TTC21B: variants seen among roughly 807,000 people sequenced by gnomAD.
TTC21B encodes tetratricopeptide repeat domain 21B.
Under a neutral mutation model 175.1 loss-of-function variants are expected in TTC21B, and 127 were observed. That is an observed-to-expected ratio of 0.73 (90% CI 0.63 to 0.84). TTC21B has a LOEUF of 0.84. Among genes scored for constraint, TTC21B ranks in the 40% least tolerant of loss-of-function variants. The pLI is 0.00. For synonymous variants in TTC21B, 524 were observed against 524.5 expected (o/e 1.00, Z 0.01); for missense variants, 1,561 against 1,558.3 (o/e 1.00, Z -0.03).
At chr2:165,909,432 A>C (rs147118922) in intron 18 of TTC21B, among the ~76,000 whole-genome samples, 1 of 152,232 alleles carries the variant, frequency 6.6e-6, no homozygotes, top group African/African-American at 2.4e-5. Context: ...ACAATAAACA[A>C]ATCTGATGAA....
chr2:165,952,610 TGTTCATTTGGGTGGCAGTGCAAATAA>T (rs1305099913), intron 1 of TTC21B, among the ~76,000 whole-genome samples: 12 of 152,210 alleles, frequency 7.9e-5, no homozygotes, highest in African/African-American at 2.9e-4. Flanking sequence ...TTTATTAAAA[TGTTCATTTGGGTGGCAGTGCAAATAA>T]TACATTTAAG....
At chr2:165,910,813 A>T (rs1013595448) in intron 18 of TTC21B, among the ~76,000 whole-genome samples, 5 of 151,888 alleles carry the variant, frequency 3.3e-5, no homozygotes, top group Non-Finnish European at 7.4e-5. Context: ...ATGTGGAAAA[A>T]ATTGCAGAAA....
chr2:165,898,051 T>C (rs1212316569), intron 22 of TTC21B, among the ~76,000 whole-genome samples: 1 of 152,082 alleles, frequency 6.6e-6, no homozygotes, highest in Admixed American at 6.5e-5. Flanking sequence ...ACAGAAAATT[T>C]GTTGTCGAGA....
intron 12 of TTC21B, among the ~76,000 whole-genome samples, chr2:165,921,590 G>A (rs1484057641): frequency 6.6e-6 from 1 of 152,146 alleles, no homozygotes; most frequent in African/African-American, 2.4e-5. Flanking sequence ...AAAAGCACAG[G>A]AGGCTCTAGG....
intron 12 of TTC21B, 122 bp downstream of exon 12, chr2:165,924,427 G>T: frequency 1.2e-6 from 1 of 863,564 alleles, no homozygotes; most frequent in Non-Finnish European, 1.8e-6. Flanking sequence ...ACTTATCTAT[G>T]CATATATAAA....
At chr2:165,888,543 G>C in intron 24 of TTC21B, 69 bp from the exon 25 acceptor site, 1 of 1,280,846 alleles carries the variant, frequency 7.8e-7, no homozygotes, top group African/African-American at 1.5e-5. Flanking sequence ...ATTAGAATCA[G>C]CTTTTGTACA....
intron 16 of TTC21B, among the ~76,000 whole-genome samples, chr2:165,913,323 G>C (rs909103153): frequency 2.0e-5 from 3 of 152,042 alleles, no homozygotes; most frequent in African/African-American, 7.2e-5. Context: ...ACCGTGCCTG[G>C]CCTCATCTCT....
At chr2:165,946,169 CAAAAAAAAAAAAAA>C (rs3032577) in intron 3 of TTC21B, among the ~76,000 whole-genome samples, 1 of 116,608 alleles carries the variant, frequency 8.6e-6, no homozygotes, top group African/African-American at 3.6e-5. Context: ...ACTAAAGATA[CAAAAAAAAAAAAAA>C]AAAAAATTAG....
In TTC21B at chr2:165,899,807, A is replaced by T. The variant is rs777066730; in HGVS notation, c.2831T>A (p.Leu944Gln). ...PDSCLRQCAL[L>Q]LQSDQDNEAA... is the part of the protein sequence containing the mutation. Reference sequence around the variant, plus strand: ...TTCGTTATCCTGGTCACTCTGAAGCAGTAGAGCACACTGCCGCAGGCAGGA... The same window carrying T: ...TTCGTTATCCTGGTCACTCTGAAGCTGTAGAGCACACTGCCGCAGGCAGGA... Residue 944 changes from leucine to glutamine, a missense_variant, in exon 21 of 29, where the codon CTG becomes CAG. Physicochemically the swap from Leu to Gln is moderately radical, Grantham distance 113 (BLOSUM62 -2). Coordinates refer to ENST00000243344, the MANE Select transcript of TTC21B (RefSeq NM_024753.5). 6.2e-7 allele frequency: 1 copy of T among 1,614,002 alleles called. No homozygotes were observed. Among genetic ancestry groups the T allele is most frequent in the Non-Finnish European group, 8.5e-7 (1 of 1,179,866 alleles).
intron 22 of TTC21B, among the ~76,000 whole-genome samples, chr2:165,894,650 C>T (rs1471846958): frequency 2.0e-5 from 3 of 152,156 alleles, no homozygotes; most frequent in Admixed American, 6.5e-5. Context: ...TCTTGGCTCA[C>T]GGCAACCTCC....
chr2:165,937,389 C>T (rs1687189324), intron 6 of TTC21B, among the ~76,000 whole-genome samples: 2 of 152,012 alleles, frequency 1.3e-5, no homozygotes, highest in African/African-American at 4.8e-5. Flanking sequence ...CACATTTGTC[C>T]AAACCACTAG....
chr2:165,878,234 T>C (rs1684731711), intron 27 of TTC21B, among the ~76,000 whole-genome samples: 1 of 152,174 alleles, frequency 6.6e-6, no homozygotes, highest in Non-Finnish European at 1.5e-5. Context: ...ACTTGATACA[T>C]GACCTGGTAC....
At chr2:165,886,028 A>T (rs950043384) in intron 25 of TTC21B, among the ~76,000 whole-genome samples, 4 of 152,204 alleles carry the variant, frequency 2.6e-5, no homozygotes, top group Admixed American at 1.3e-4. Context: ...CATTTCTTCC[A>T]TGATTTCTTG....
intron 12 of TTC21B, among the ~76,000 whole-genome samples, chr2:165,921,161 A>G (rs961312653): frequency 5.3e-5 from 8 of 152,182 alleles, no homozygotes; most frequent in African/African-American, 1.9e-4. Context: ...GCTGTGCCAG[A>G]AAGACCAACC....
chr2:165,922,015 C>G (rs1260266705), intron 12 of TTC21B, among the ~76,000 whole-genome samples: 1 of 151,828 alleles, frequency 6.6e-6, no homozygotes, highest in African/African-American at 2.4e-5. Context: ...TCCATTGTAT[C>G]ATTCTTACGT....
intron 27 of TTC21B, among the ~76,000 whole-genome samples, chr2:165,877,039 A>G (rs1684685803): frequency 6.6e-6 from 1 of 152,262 alleles, no homozygotes; most frequent in Non-Finnish European, 1.5e-5. Flanking sequence ...TTAGAAGAAT[A>G]TTTAACACAT....
intron 11 of TTC21B, among the ~76,000 whole-genome samples, chr2:165,926,937 T>G (rs1375814284): frequency 7.0e-6 from 1 of 143,488 alleles, no homozygotes; most frequent in Non-Finnish European, 1.5e-5. Flanking sequence ...TCGTGTGAGT[T>G]AATATTCTTT....
chr2:165,919,179 G>C (rs1686294615), intron 13 of TTC21B, 97 bp downstream of exon 13: 1 of 1,443,422 alleles, frequency 6.9e-7, no homozygotes, highest in Admixed American at 1.7e-5. Context: ...AAATGCAACT[G>C]TTAGCAAAAT....
chr2:165,897,518 C>T (rs189265966), intron 22 of TTC21B, among the ~76,000 whole-genome samples: 2 of 152,050 alleles, frequency 1.3e-5, no homozygotes, highest in East Asian at 1.9e-4. Flanking sequence ...AACTTAGAGG[C>T]GAGGGAAAGT....
Sources: allele counts gnomAD v4.1 joint callset (sites outside exome capture counted in the v4.1 genomes callset), GRCh38; gene constraint gnomAD v4.1.1; transcripts MANE v1.5; gene names NCBI Gene and HGNC (gene_info 2026-07-23, HGNC 2026-07-21).